PTPRD: variants seen among roughly 807,000 people sequenced by gnomAD.
PTPRD encodes protein tyrosine phosphatase receptor type D.
PTPRD carries 34 observed loss-of-function variants against 214.5 expected under a neutral mutation model. The ratio of observed to expected loss-of-function variants is 0.16; its 90% confidence interval spans 0.12 to 0.21. The LOEUF (loss-of-function observed/expected upper bound fraction) is 0.21. Among genes scored for constraint, PTPRD ranks in the 10% least tolerant of loss-of-function variants. The pLI is 1.00. For missense variants in PTPRD, 2,545 were observed against 2,398.7 expected, an observed-to-expected ratio of 1.06 and a Z score of -1.27; for synonymous variants, 1,128 against 845.7, an observed-to-expected ratio of 1.33 and a Z score of -5.79.
At chr9:9,541,232 ACTTTTAAATTAGGG>A (rs977835875) in intron 8 of PTPRD, among the ~76,000 whole-genome samples, 94 of 151,894 alleles carry the variant, frequency 6.2e-4, no homozygotes, top group Middle Eastern at 3.4e-3. Flanking sequence ...CTTGAAAAGC[ACTTTTAAATTAGGG>A]CTTATCTTTT....
At chr9:8,938,334 A>C (rs941083747) in intron 11 of PTPRD, among the ~76,000 whole-genome samples, 1 of 152,128 alleles carries the variant, frequency 6.6e-6, no homozygotes, top group African/African-American at 2.4e-5. Flanking sequence ...ACAAGATGAC[A>C]GAAATGAATT....
At chr9:9,844,083 T>C (rs2058931862) in intron 5 of PTPRD, among the ~76,000 whole-genome samples, 2 of 152,170 alleles carry the variant, frequency 1.3e-5, no homozygotes, top group African/African-American at 4.8e-5. Flanking sequence ...ACTTTGGATT[T>C]TGTTAATAAA....
intron 14 of PTPRD, among the ~76,000 whole-genome samples, chr9:8,572,076 T>C (rs2091298454): frequency 6.6e-6 from 1 of 152,134 alleles, no homozygotes; most frequent in Non-Finnish European, 1.5e-5. Context: ...ATGCATTTTT[T>C]CACGTAATTT....
chr9:9,230,282 G>C (rs1048496343), intron 9 of PTPRD, among the ~76,000 whole-genome samples: 6 of 152,092 alleles, frequency 3.9e-5, no homozygotes, highest in African/African-American at 1.4e-4. Flanking sequence ...GAAAAGATTA[G>C]GCTAACTAAA....
chr9:8,462,117 T>C (rs2096427003), intron 32 of PTPRD, among the ~76,000 whole-genome samples: 1 of 152,046 alleles, frequency 6.6e-6, no homozygotes, highest in Non-Finnish European at 1.5e-5. Flanking sequence ...TTTCCAATCA[T>C]TTCTAGAGAC....
intron 5 of PTPRD, among the ~76,000 whole-genome samples, chr9:9,832,747 G>T (rs973384422): frequency 4.6e-5 from 7 of 151,924 alleles, no homozygotes; most frequent in Non-Finnish European, 8.8e-5. Context: ...ATGATGCCTA[G>T]AACTGCAGCA....
intron 5 of PTPRD, among the ~76,000 whole-genome samples, chr9:9,804,332 G>A (rs1565393850): frequency 6.6e-6 from 1 of 151,986 alleles, no homozygotes; most frequent in Non-Finnish European, 1.5e-5. Flanking sequence ...GAAATGGCTG[G>A]AAATATGGAT....
intron 14 of PTPRD, 47 bp from the exon 15 acceptor site, chr9:8,528,826 CTCCAAATTCAAGAGATTCCCCAGA>C: frequency 4.4e-6 from 7 of 1,577,798 alleles, no homozygotes; most frequent in Non-Finnish European, 6.1e-6. Flanking sequence ...AAGTCAGATG[CTCCAAATTCAAGAGATTCCCCAGA>C]AATCTCTCTT....
At chr9:9,263,388 A>G in intron 9 of PTPRD, among the ~76,000 whole-genome samples, 1 of 151,654 alleles carries the variant, frequency 6.6e-6, no homozygotes, top group Non-Finnish European at 1.5e-5. Context: ...GTTTAGTTCA[A>G]CTGAATGACT....
chr9:10,356,438 G>C (rs1449767654), intron 2 of PTPRD, among the ~76,000 whole-genome samples: 1 of 152,054 alleles, frequency 6.6e-6, no homozygotes, highest in Non-Finnish European at 1.5e-5. Flanking sequence ...TTGAATAATT[G>C]TTCTGTAGGG....
chr9:10,086,861 T>C (rs1378400617), intron 3 of PTPRD, among the ~76,000 whole-genome samples: 1 of 151,844 alleles, frequency 6.6e-6, no homozygotes, highest in African/African-American at 2.4e-5. Flanking sequence ...CTTTTGTGTA[T>C]ATGTGCATCC....
At chr9:9,802,260 G>C (rs1328671734) in intron 5 of PTPRD, among the ~76,000 whole-genome samples, 1 of 151,918 alleles carries the variant, frequency 6.6e-6, no homozygotes. Context: ...ATTCCTATGG[G>C]TTGATAGGAA....
rs1555336933 is a variant in PTPRD at position 8,786,033 on chromosome 9, T to TG, written c.-103-52088_-103-52087insC. 6.1e-4 allele frequency among the ~76,000 whole-genome samples: 88 copies of TG among 143,326 alleles called. 1 individual carries two copies. Among genetic ancestry groups the TG allele is most frequent in the South Asian group, 2.4e-3 (11 of 4,522 alleles). 94.0% of individuals were successfully genotyped at this position (143,326 alleles called of 152,430 possible). ...GCAGTCTGAGAAGCCGCTTAATTTG[T>TG]TGTGTGTGTGTGTGTGTGTGTGTGT... On this transcript the variant is annotated intron_variant, in intron 11 of 45. Transcript: ENST00000381196.
At chr9:9,153,420 G>A (rs1472346913) in intron 10 of PTPRD, among the ~76,000 whole-genome samples, 1 of 152,052 alleles carries the variant, frequency 6.6e-6, no homozygotes, top group Non-Finnish European at 1.5e-5. Flanking sequence ...GAGTGTTAAG[G>A]TGATAAATAA....
chr9:8,518,455 A>G (rs372481332), intron 20 of PTPRD, 26 bp from the exon 21 acceptor site: 107 of 1,470,322 alleles, frequency 7.3e-5, no homozygotes, highest in Non-Finnish European at 9.5e-5. Context: ...ATAAAAGACA[A>G]TGACTACCCA....
intron 2 of PTPRD, among the ~76,000 whole-genome samples, chr9:10,597,362 C>T (rs2076863667): frequency 6.6e-6 from 1 of 151,686 alleles, no homozygotes; most frequent in African/African-American, 2.4e-5. Flanking sequence ...ACAAGCTATG[C>T]TTCGAATGAA....
At chr9:9,813,612 G>C (rs1449184826) in intron 5 of PTPRD, among the ~76,000 whole-genome samples, 1 of 152,032 alleles carries the variant, frequency 6.6e-6, no homozygotes, top group Non-Finnish European at 1.5e-5. Context: ...TCATGCAAAG[G>C]TTTGAAGCAC....
Position 9,290,056 on chromosome 9 carries a change from C to T in PTPRD, c.-202-106693G>A, listed in dbSNP as rs75470188. Among the ~76,000 whole-genome samples the T allele has an allele frequency of 4.7e-3, 717 of 151,734 alleles. 9 individuals carry two copies. The highest frequency in any genetic ancestry group is 0.016 in the African/African-American group (672 of 41,488). ...CATACTGTTTTCCATGATGATCATACCAATTTGTATTCCCACCAATGGTAT... is the reference window on the plus strand; with the variant it reads ...CATACTGTTTTCCATGATGATCATATCAATTTGTATTCCCACCAATGGTAT... On this transcript the variant is annotated intron_variant, in intron 9 of 45. Coordinates refer to ENST00000381196, the MANE Select transcript of PTPRD (RefSeq NM_002839.4).
chr9:8,942,450 T>C (rs1329106606), intron 11 of PTPRD, among the ~76,000 whole-genome samples: 2 of 152,136 alleles, frequency 1.3e-5, no homozygotes, highest in Non-Finnish European at 2.9e-5. Context: ...GAAAACAAAA[T>C]GAACTTCATC....
Sources: allele counts gnomAD v4.1 joint callset (sites outside exome capture counted in the v4.1 genomes callset), GRCh38; gene constraint gnomAD v4.1.1; transcripts MANE v1.5; gene names NCBI Gene and HGNC (gene_info 2026-07-23, HGNC 2026-07-21).